The following INPP4B variants were observed in gnomAD, a reference collection of about 807,000 sequenced individuals.
INPP4B encodes the protein inositol polyphosphate 4-phosphatase type II.
A neutral mutation model predicts 122.5 loss-of-function variants in INPP4B; 55 were observed. That is an observed-to-expected ratio of 0.45 (90% CI 0.36 to 0.56). The LOEUF is 0.56. INPP4B is among the 20% of genes least tolerant of loss of function. The pLI is 0.00. For missense variants in INPP4B, 1,000 were observed against 1,097.7 expected (o/e 0.91, Z 1.26); for synonymous variants, 403 against 388.7 (o/e 1.04, Z -0.43).
At chr4:142,256,633 C>T (rs889214575) in intron 11 of INPP4B, among the ~76,000 whole-genome samples, 27 of 152,288 alleles carry the variant, frequency 1.8e-4, no homozygotes, top group African/African-American at 5.8e-4. Context: ...TCAACACATA[C>T]ACTCTCCCAA....
intron 1 of INPP4B, among the ~76,000 whole-genome samples, chr4:142,817,884 A>C (rs981995502): frequency 5.3e-5 from 8 of 152,150 alleles, no homozygotes; most frequent in Non-Finnish European, 1.2e-4. Context: ...ACAATAAAAG[A>C]CACCAGGAAA....
intron 1 of INPP4B, among the ~76,000 whole-genome samples, chr4:142,793,562 C>G (rs1340620508): frequency 6.6e-6 from 1 of 151,976 alleles, no homozygotes; most frequent in African/African-American, 2.4e-5. Context: ...GCCTCAAAGT[C>G]CTAGTCAAAG....
At chr4:142,039,406 T>A (rs1297910471) in intron 25 of INPP4B, among the ~76,000 whole-genome samples, 1 of 152,162 alleles carries the variant, frequency 6.6e-6, no homozygotes, top group Non-Finnish European at 1.5e-5. Flanking sequence ...GTTCAATGTT[T>A]TTGTTTTATA....
intron 11 of INPP4B, among the ~76,000 whole-genome samples, chr4:142,252,311 C>T (rs1353586691): frequency 2.0e-5 from 3 of 151,482 alleles, no homozygotes; most frequent in African/African-American, 7.3e-5. Context: ...GCCTCAGCCT[C>T]CCGAGTAGCT....
chr4:142,231,829 G>A (rs555063604), intron 12 of INPP4B, among the ~76,000 whole-genome samples: 2 of 152,010 alleles, frequency 1.3e-5, no homozygotes, highest in South Asian at 2.1e-4. Flanking sequence ...GTTTCAAATC[G>A]GGATTTAAAA....
chr4:142,471,020 A>G (rs2322706), intron 2 of INPP4B, among the ~76,000 whole-genome samples: 22,670 of 152,190 alleles, frequency 0.15, 1,967 homozygotes, highest in East Asian at 0.36. Flanking sequence ...AAATGTAAAA[A>G]GCTGTATTTA....
chr4:142,759,255 T>G (rs879656394), intron 1 of INPP4B, among the ~76,000 whole-genome samples: 52 of 152,254 alleles, frequency 3.4e-4, no homozygotes, highest in Non-Finnish European at 6.2e-4. Flanking sequence ...AAATAAACAC[T>G]AAACCCCTGT....
At chr4:142,173,604 C>T in intron 16 of INPP4B, 28 bp downstream of exon 16, 1 of 1,579,490 alleles carries the variant, frequency 6.3e-7, no homozygotes, top group African/African-American at 1.4e-5. Context: ...TTTCATTTTC[C>T]CAACTATAGT....
chr4:142,647,010 A>G (rs1235780127), intron 2 of INPP4B, among the ~76,000 whole-genome samples: 1 of 152,208 alleles, frequency 6.6e-6, no homozygotes, highest in Non-Finnish European at 1.5e-5. Context: ...GAGGACTGTA[A>G]TTATAACTTT....
intron 14 of INPP4B, among the ~76,000 whole-genome samples, chr4:142,196,971 A>G (rs932021622): frequency 6.6e-6 from 1 of 151,688 alleles, no homozygotes. Context: ...CTAAAAATAC[A>G]GAAAATTAGC....
chr4:142,763,464 A>G lies in INPP4B; in HGVS notation c.-253-37563T>C, dbSNP rs183986611. Among the ~76,000 whole-genome samples the G allele has an allele frequency of 7.9e-5, 12 of 152,302 alleles. No homozygotes were observed. In the East Asian group the frequency reaches 2.3e-3, roughly 29 times the overall value. ...GTAAAACCAAGAAACAAACAACAGAACATTGTGAAGAACCAACATATTGTC... is the reference window on the plus strand; with the variant it reads ...GTAAAACCAAGAAACAAACAACAGAGCATTGTGAAGAACCAACATATTGTC... On this transcript the variant is annotated intron_variant, in intron 1 of 25. Transcript: ENST00000262992.
At chr4:142,043,563 A>C (rs191853145) in intron 25 of INPP4B, among the ~76,000 whole-genome samples, 56 of 152,298 alleles carry the variant, frequency 3.7e-4, no homozygotes, top group Non-Finnish European at 7.8e-4. Context: ...AAAGCCATGG[A>C]AAGAAGAATG....
chr4:142,428,062 A>G (rs920706437), intron 5 of INPP4B, among the ~76,000 whole-genome samples: 1 of 151,682 alleles, frequency 6.6e-6, no homozygotes, highest in African/African-American at 2.4e-5. Context: ...TTTATAGCAC[A>G]ATTTTTAGCT....
At position 142,579,874 on chromosome 4, in the gene INPP4B, GGT is replaced by G. The variant is rs1560824325; in HGVS notation, c.-190-117150_-190-117149del. On this transcript the variant is annotated intron_variant, in intron 2 of 25. Transcript: ENST00000262992. ...GGATGAATGGATAGATAGATAGATA[GGT>G]AGGTAGATAGATAGATAGATAGATA... Among the ~76,000 whole-genome samples, 124 of 119,844 alleles carry G rather than the reference GGT, an allele frequency of 1.0e-3. 1 individual carries two copies. The highest frequency in any genetic ancestry group is 2.7e-3 in the African/African-American group (83 of 30,426). 78.6% of individuals were successfully genotyped at this position (119,844 alleles called of 152,430 possible). A position where few individuals can be genotyped will look rare whatever the true frequency, so the allele number is the denominator to read the frequency against.
chr4:142,242,248 A>T (rs776441773), intron 11 of INPP4B, among the ~76,000 whole-genome samples: 2 of 152,176 alleles, frequency 1.3e-5, no homozygotes, highest in East Asian at 3.9e-4. Flanking sequence ...AATTTTACAA[A>T]AACACTATCC....
intron 5 of INPP4B, among the ~76,000 whole-genome samples, chr4:142,421,760 G>A (rs1806949234): frequency 2.0e-5 from 3 of 151,952 alleles, no homozygotes; most frequent in African/African-American, 4.8e-5. Context: ...TTAAGACTTG[G>A]TCCAAATGCC....
intron 11 of INPP4B, among the ~76,000 whole-genome samples, chr4:142,252,050 C>A (rs1431735245): frequency 6.6e-6 from 1 of 152,176 alleles, no homozygotes; most frequent in African/African-American, 2.4e-5. Context: ...CCACTGTTTA[C>A]CGCATAGGTG....
intron 1 of INPP4B, among the ~76,000 whole-genome samples, chr4:142,816,791 T>TC (rs1248486018): frequency 1.4e-5 from 2 of 138,300 alleles, no homozygotes; most frequent in Non-Finnish European, 3.2e-5. Context: ...AGTAAAACTG[T>TC]CATTTAACAA....
intron 2 of INPP4B, chr4:142,566,299 A>G (rs10023108): frequency 0.018 from 2,716 of 152,306 alleles, 66 homozygotes; most frequent in African/African-American, 0.061. Context: ...TCTCAACCAG[A>G]GTAATGGCCA....
Sources: gnomAD v4.1 joint callset for allele counts (sites outside exome capture counted in the v4.1 genomes callset) on GRCh38, gnomAD v4.1.1 for gene constraint, MANE v1.5 for transcripts, NCBI Gene and HGNC (gene_info 2026-07-23, HGNC 2026-07-21) for gene names.